The following ZNF34 variants were observed in gnomAD, a reference collection of about 807,000 sequenced individuals.
ZNF34 encodes zinc finger protein 34 (KOX 32).
In ZNF34, 8 loss-of-function variants were observed where a neutral mutation model predicts 14.4. The observed-to-expected ratio is 0.55, with a 90% confidence interval of 0.33 to 1.00. The LOEUF (loss-of-function observed/expected upper bound fraction) is 1.00. Ranked by LOEUF, ZNF34 falls within the 50% of genes least tolerant of loss-of-function variation. ZNF34 has a pLI of 0.03. For synonymous variants in ZNF34, 235 were observed against 247.9 expected, an observed-to-expected ratio of 0.95 and a Z score of 0.49; for missense variants, 538 against 674.2, an observed-to-expected ratio of 0.80 and a Z score of 2.24.
intron 1 of ZNF34, among the ~76,000 whole-genome samples, chr8:144,783,258 T>C (rs1357537280): frequency 6.6e-6 from 1 of 152,186 alleles, no homozygotes; most frequent in Non-Finnish European, 1.5e-5. Flanking sequence ...TGGGGTTCCA[T>C]GCATTCAAGT....
In ZNF34 at chr8:144,778,033, C is replaced by T. The variant is rs567590552; in HGVS notation, c.160+5G>A. 4 of 1,613,868 alleles carry T rather than the reference C, an allele frequency of 2.5e-6. No homozygotes were observed. In the African/African-American group the frequency reaches 5.3e-5, roughly 22 times the overall value. On this transcript the variant is annotated splice_donor_5th_base_variant and intron_variant, in intron 4 of 5. Transcript: ENST00000429371. ...CCCAGAGCTGAGTTCTGGTGAGGGC[C>T]TTACCCAGTGAGACTAGGTTCCCGT...
chr8:144,782,193 G>A (rs1446775329), intron 1 of ZNF34, among the ~76,000 whole-genome samples: 1 of 152,070 alleles, frequency 6.6e-6, no homozygotes, highest in Non-Finnish European at 1.5e-5. Flanking sequence ...ATGGTGGTGG[G>A]CACCTGTAAT....
Position 144,773,721 on chromosome 8 carries a change from G to C in ZNF34, c.1165C>G (p.Gln389Glu). 6.2e-7 allele frequency: 1 copy of C among 1,614,064 alleles called. No individual in the cohort carries two copies. Residue 389 changes from glutamine to glutamate, a missense_variant, in exon 6 of 6, where the codon CAG (glutamine) becomes GAG (glutamate). Around this residue, in one of 3 missense-constraint regions of ZNF34, gnomAD observed 431 missense variants for 525.7 expected, o/e 0.82. Transcript: ENST00000429371. The surrounding 1 kb of genome is among the most constrained non-coding windows in gnomAD (Gnocchi z 5.4). ...GGTTTCTCTCCAGTGTGAATTCTCT[G>C]ATGTTGGATAAGGTTAGAACTTTGT... ...FTQSSNLIQH[Q>E]RIHTGEKPYK...
At chr8:144,782,728 T>C (rs1481557875) in intron 1 of ZNF34, among the ~76,000 whole-genome samples, 2 of 150,098 alleles carry the variant, frequency 1.3e-5, no homozygotes, top group Non-Finnish European at 3.0e-5. Flanking sequence ...TCCCAGCTAC[T>C]TGGGAGGCTG....
chr8:144,773,862 A>G lies in ZNF34; in HGVS notation c.1024T>C (p.Tyr342His). The change falls in exon 6 of 6, where the codon TAT becomes CAT. Residue 342 changes from tyrosine to histidine, a missense_variant. Transcript: ENST00000429371. The surrounding 1 kb of genome is among the most constrained non-coding windows in gnomAD (Gnocchi z 5.4). Reference protein sequence around the residue: ...HQRIHTGEKPYKCNDCGKAFS... With the variant: ...HQRIHTGEKPHKCNDCGKAFS... ...GCTTTCCCGCAGTCATTACATTTATAGGGTTTCTCTCCGGTGTGGATTCTC... is the reference window on the plus strand; with the variant it reads ...GCTTTCCCGCAGTCATTACATTTATGGGGTTTCTCTCCGGTGTGGATTCTC... 1 of 1,614,118 alleles carries G rather than the reference A, an allele frequency of 6.2e-7. No individual in the cohort carries two copies.
At position 144,774,507 on chromosome 8, in the gene ZNF34, T is replaced by C. The variant is rs1211156333; in HGVS notation, c.379A>G (p.Ile127Val). 6.2e-7 allele frequency: 1 copy of C among 1,613,994 alleles called. No individual in the cohort carries two copies. Reference sequence around the variant, plus strand: ...TCCAGGCTCCCCTCTGACTTACTGATGTGGTCACAGGCTTCTACTGGCTCA... The same window carrying C: ...TCCAGGCTCCCCTCTGACTTACTGACGTGGTCACAGGCTTCTACTGGCTCA... Reference protein sequence around the residue: ...GSEPVEACDHISKSEGSLEKL... With the variant: ...GSEPVEACDHVSKSEGSLEKL... The change falls in exon 6 of 6, where the codon ATC (isoleucine) becomes GTC (valine). Residue 127 changes from isoleucine (I) to valine (V), a missense_variant. By Grantham distance (29) the Ile-to-Val change is conservative. Coordinates refer to ENST00000429371, the MANE Select transcript of ZNF34 (RefSeq NM_001286769.2).
Position 144,773,143 on chromosome 8 carries a change from T to G in ZNF34, c.*123A>C. The G allele has an allele frequency of 9.3e-7, 1 of 1,075,868 alleles. No homozygotes were observed. Among genetic ancestry groups the G allele is most frequent in the Non-Finnish European group, 1.3e-6 (1 of 789,218 alleles). 66.6% of individuals were successfully genotyped at this position (1,075,868 alleles called of 1,614,324 possible). A position where few individuals can be genotyped will look rare whatever the true frequency, so the allele number is the denominator to read the frequency against. ...GATTTAAGAAAAGAGGTTTGTTTAA[T>G]GAGAAACGTCCTTTCACTCTGTGAA... On this transcript the variant is annotated 3_prime_UTR_variant, in exon 6 of 6. Coordinates refer to ENST00000429371, the MANE Select transcript of ZNF34 (RefSeq NM_001286769.2). The surrounding 1 kb of genome is among the most constrained non-coding windows in gnomAD (Gnocchi z 5.4).
At position 144,772,323 on chromosome 8, in the gene ZNF34, A is replaced by G. The variant is rs1825229788; in HGVS notation, c.*943T>C. Among the ~76,000 whole-genome samples, 1 of 152,192 alleles carries G rather than the reference A, an allele frequency of 6.6e-6. No homozygotes were observed. Among genetic ancestry groups the G allele is most frequent in the Non-Finnish European group, 1.5e-5 (1 of 68,040 alleles). On this transcript the variant is annotated 3_prime_UTR_variant, in exon 6 of 6. Coordinates refer to ENST00000429371, the MANE Select transcript of ZNF34 (RefSeq NM_001286769.2). ...CAGCAGTAGGGAGAAGGGGGAAATG[A>G]AGAGTTATTATTTAATAGGTACAGG...
At position 144,773,301 on chromosome 8, in the gene ZNF34, G is replaced by A; in HGVS notation, c.1585C>T (p.Gln529Ter). The A allele has an allele frequency of 6.2e-7, 1 of 1,612,398 alleles. No homozygotes were observed. The highest frequency in any genetic ancestry group is 8.5e-7 in the Non-Finnish European group (1 of 1,178,570). The stretch of plus-strand genomic sequence containing the variant: ...AAGTCCTCCCGGAGGTGAATCCGCT[G>A]ATGCTGACACATGTTGGAACTGTGC... Reference protein sequence around the residue: ...FRHSSNMCQHQRIHLREDFSM With the variant: ...FRHSSNMCQH Residue 529 changes from glutamine (Q) to a stop codon, truncating the protein, a stop_gained, in exon 6 of 6, where the codon CAG (glutamine) becomes TAG (stop). Transcript: ENST00000429371. LOFTEE classifies it low-confidence loss of function (END_TRUNC). The surrounding 1 kb of genome is among the most constrained non-coding windows in gnomAD (Gnocchi z 5.4).
rs1825300253 is a variant in ZNF34, at chr8:144,773,599, A to T, written c.1287T>A (p.Asn429Lys). 6.2e-7 allele frequency: 1 copy of T among 1,613,852 alleles called. No individual in the cohort carries two copies. The highest frequency in any genetic ancestry group is 1.7e-5 in the Admixed American group (1 of 59,986). The change falls in exon 6 of 6, where the codon AAT (asparagine) becomes AAA (lysine). Residue 429 changes from asparagine (N) to lysine (K), a missense_variant. By Grantham distance (94) the Asn-to-Lys change is moderately conservative (BLOSUM62 0). Around this residue, in one of 3 missense-constraint regions of ZNF34, gnomAD observed 6 missense variants for 25.4 expected, o/e 0.24. Transcript: ENST00000429371. This position sits in a 1 kb window ranked among gnomAD's most constrained non-coding sequence, Gnocchi z 5.4. The stretch of plus-strand genomic sequence containing the variant: ...TTTGGCTGAAAACTTTGCCACAGTC[A>T]TTGCATTCATAGGGCTTCTCTCCAG... ...SHTGEKPYEC[N>K]DCGKVFSQST... is the part of the protein sequence containing the mutation.
chr8:144,780,121 CA>C (rs1825771404), intron 2 of ZNF34, 106 bp downstream of exon 2: 1 of 830,282 alleles, frequency 1.2e-6, no homozygotes, highest in African/African-American at 1.7e-5. Flanking sequence ...CACCTGGGCC[CA>C]GGAAGTAGAG....
chr8:144,778,814 C>T (rs1483809335), intron 2 of ZNF34, among the ~76,000 whole-genome samples: 1 of 151,958 alleles, frequency 6.6e-6, no homozygotes, highest in Admixed American at 6.6e-5. Context: ...CTCACTGCAG[C>T]CTCGACCTCC....
intron 5 of ZNF34, among the ~76,000 whole-genome samples, chr8:144,776,705 T>C (rs10106412): frequency 0.019 from 2,874 of 151,718 alleles, 97 homozygotes; most frequent in African/African-American, 0.066. Flanking sequence ...AGCCTAGGAG[T>C]TCGAGACAAG....
chr8:144,782,157 A>T (rs1379539238), intron 1 of ZNF34, among the ~76,000 whole-genome samples: 1 of 152,120 alleles, frequency 6.6e-6, no homozygotes, highest in Non-Finnish European at 1.5e-5. Context: ...CCCCGTCTCT[A>T]CTAAAAATAT....
intron 1 of ZNF34, among the ~76,000 whole-genome samples, chr8:144,785,106 C>CAAA (rs749277788): frequency 3.0e-4 from 15 of 50,026 alleles, no homozygotes; most frequent in South Asian, 1.6e-3. Context: ...CAGACCCTGC[C>CAAA]AAAAAAAAAA....
chr8:144,777,913 G>C lies in ZNF34; in HGVS notation c.160+125C>G. The C allele has an allele frequency of 1.4e-6, 2 of 1,402,604 alleles. No individual in the cohort carries two copies. Among genetic ancestry groups the C allele is most frequent in the South Asian group, 2.6e-5 (2 of 77,366 alleles). 86.9% of individuals were successfully genotyped at this position (1,402,604 alleles called of 1,614,324 possible). On this transcript the variant is annotated intron_variant, in intron 4 of 5. Transcript: ENST00000429371. This position sits in a 1 kb window ranked among gnomAD's most constrained non-coding sequence, Gnocchi z 4.8. ...CTCTTCCCCTCATCTTCTCAGATCAGGTGCCTGCCTGGGATAAAGGTCATC... is the reference window on the plus strand; with the variant it reads ...CTCTTCCCCTCATCTTCTCAGATCACGTGCCTGCCTGGGATAAAGGTCATC...
At position 144,778,139 on chromosome 8, in the gene ZNF34, G is replaced by C. The variant is rs769439495; in HGVS notation, c.59C>G (p.Ala20Gly). The change falls in exon 4 of 6, where the codon GCT becomes GGT. Residue 20 changes from alanine to glycine, a missense_variant. Physicochemically the swap from Ala to Gly is moderately conservative, Grantham distance 60 (BLOSUM62 0). This residue lies in a region of ZNF34 where 431 missense variants were observed against 525.7 expected (regional missense o/e 0.82). Transcript: ENST00000429371. ...CCATTCCTCCCGGGAGAGGTACACA[G>C]CCACGTCCTCGAAGGTCACCTCGGC... Reference protein sequence around the residue: ...PQAEVTFEDVAVYLSREEWGR... With the variant: ...PQAEVTFEDVGVYLSREEWGR... 6.2e-7 allele frequency: 1 copy of C among 1,613,582 alleles called. No individual in the cohort carries two copies. The highest frequency in any genetic ancestry group is 1.7e-5 in the Admixed American group (1 of 59,944).
At chr8:144,775,313 G>A (rs1010082571) in intron 5 of ZNF34, among the ~76,000 whole-genome samples, 3 of 152,200 alleles carry the variant, frequency 2.0e-5, no homozygotes, top group African/African-American at 7.2e-5. Context: ...TTTGGAGGAC[G>A]GCTTGGCAAC....
intron 1 of ZNF34, among the ~76,000 whole-genome samples, chr8:144,785,954 A>C (rs145179054): frequency 6.6e-6 from 1 of 151,738 alleles, no homozygotes; most frequent in Non-Finnish European, 1.5e-5. Context: ...CAGGTACAGA[A>C]TATACACAGT....
Sources: allele counts gnomAD v4.1 joint callset (sites outside exome capture counted in the v4.1 genomes callset), GRCh38; gene constraint gnomAD v4.1.1; regional missense constraint gnomAD v4.1.1; non-coding constraint Gnocchi (gnomAD v3.1); transcripts MANE v1.5; gene names NCBI Gene and HGNC (gene_info 2026-07-23, HGNC 2026-07-21).